AGBL1: variants seen among roughly 807,000 people sequenced by gnomAD.
AGBL1 encodes the protein cytosolic carboxypeptidase 4.
AGBL1 carries 130 observed loss-of-function variants against 118.9 expected under a neutral mutation model. That is an observed-to-expected ratio of 1.09 (90% CI 0.95 to 1.26). AGBL1 has a LOEUF of 1.26. Ranked by LOEUF, AGBL1 falls within the 50% of genes most tolerant of loss-of-function variation. AGBL1 has a pLI of 0.00. For missense variants in AGBL1, 1,584 were observed against 1,298.1 expected (o/e 1.22, Z -3.38); for synonymous variants, 555 against 478.9 (o/e 1.16, Z -2.08).
At chr15:86,370,100 C>T (rs1221481382) in intron 17 of AGBL1, among the ~76,000 whole-genome samples, 1 of 151,892 alleles carries the variant, frequency 6.6e-6, no homozygotes, top group African/African-American at 2.4e-5. Flanking sequence ...AAGAAATCAC[C>T]CTAGAATTTA....
At chr15:86,710,711 T>G (rs1216496343) in intron 22 of AGBL1, among the ~76,000 whole-genome samples, 1 of 152,156 alleles carries the variant, frequency 6.6e-6, no homozygotes. Flanking sequence ...TTATAAGTAA[T>G]AGTCAAGTGG....
chr15:86,929,638 T>G (rs2080582349), intron 23 of AGBL1, among the ~76,000 whole-genome samples: 1 of 152,216 alleles, frequency 6.6e-6, no homozygotes, highest in Non-Finnish European at 1.5e-5. Context: ...AGATACACAA[T>G]TCAACATCCA....
intron 17 of AGBL1, among the ~76,000 whole-genome samples, chr15:86,321,934 A>G (rs578134703): frequency 6.6e-6 from 1 of 151,990 alleles, no homozygotes; most frequent in Admixed American, 6.6e-5. Context: ...AAAATTTTCA[A>G]ATATGTGAAG....
At chr15:86,645,852 A>C (rs1363732729) in intron 21 of AGBL1, among the ~76,000 whole-genome samples, 1 of 152,200 alleles carries the variant, frequency 6.6e-6, no homozygotes, top group Non-Finnish European at 1.5e-5. Flanking sequence ...CGTTCCAAGC[A>C]GATAGAATTC....
At position 86,456,410 on chromosome 15, in the gene AGBL1, G is replaced by A. The variant is rs563636110; in HGVS notation, c.2555+58864G>A. Among the ~76,000 whole-genome samples the A allele has an allele frequency of 3.9e-5, 6 of 152,276 alleles. No individual in the cohort carries two copies. In the South Asian group the frequency reaches 1.2e-3, roughly 32 times the overall value. ...CAAATTTTGACTCTTCAATTCAATAGTTAAAGGGCTTATGGCCAGAAAGTC... is the reference window on the plus strand; with the variant it reads ...CAAATTTTGACTCTTCAATTCAATAATTAAAGGGCTTATGGCCAGAAAGTC... On this transcript the variant is annotated intron_variant, in intron 18 of 22. Transcript: ENST00000614907.
intron 5 of AGBL1, among the ~76,000 whole-genome samples, chr15:86,196,476 T>A (rs2077804283): frequency 6.6e-6 from 1 of 152,178 alleles, no homozygotes; most frequent in African/African-American, 2.4e-5. Flanking sequence ...CTCATGTATC[T>A]TTGGACAGAA....
At chr15:86,204,379 G>T (rs2077955212) in intron 5 of AGBL1, among the ~76,000 whole-genome samples, 1 of 152,120 alleles carries the variant, frequency 6.6e-6, no homozygotes, top group East Asian at 1.9e-4. Context: ...AGAAGATACT[G>T]GGATTTCCCA....
intron 20 of AGBL1, among the ~76,000 whole-genome samples, chr15:86,546,711 G>T (rs1243690430): frequency 3.9e-5 from 6 of 152,122 alleles, no homozygotes; most frequent in African/African-American, 1.4e-4. Flanking sequence ...TAGTTTTAGT[G>T]GTTAGAGCTC....
intron 19 of AGBL1, among the ~76,000 whole-genome samples, chr15:86,537,525 A>G (rs1021132282): frequency 6.6e-6 from 1 of 152,234 alleles, no homozygotes; most frequent in Non-Finnish European, 1.5e-5. Flanking sequence ...GTGCCTTCTC[A>G]GGGCATTAGG....
chr15:86,464,509 T>C (rs1345786870), intron 18 of AGBL1, among the ~76,000 whole-genome samples: 1 of 152,234 alleles, frequency 6.6e-6, no homozygotes, highest in Non-Finnish European at 1.5e-5. Flanking sequence ...GGCATCCTTG[T>C]CTTGTGCCAG....
At chr15:86,277,751 C>G (rs1439617389) in intron 15 of AGBL1, among the ~76,000 whole-genome samples, 1 of 152,222 alleles carries the variant, frequency 6.6e-6, no homozygotes, top group Admixed American at 6.5e-5. Flanking sequence ...GATACAGGCT[C>G]TGTCTCCACC....
intron 17 of AGBL1, among the ~76,000 whole-genome samples, chr15:86,325,711 G>A (rs2080173964): frequency 2.0e-5 from 3 of 152,238 alleles, no homozygotes; most frequent in African/African-American, 7.2e-5. Context: ...CCTTTCTCCA[G>A]TTCTTAGTAA....
intron 22 of AGBL1, among the ~76,000 whole-genome samples, chr15:86,826,888 G>A (rs2079018542): frequency 6.6e-6 from 1 of 152,030 alleles, no homozygotes; most frequent in Non-Finnish European, 1.5e-5. Context: ...TATCAGACAA[G>A]GAGAATATGC....
At chr15:86,110,270 C>T (rs1897288854) in intron 1 of AGBL1, among the ~76,000 whole-genome samples, 1 of 152,050 alleles carries the variant, frequency 6.6e-6, no homozygotes, top group Non-Finnish European at 1.5e-5. Context: ...TTTGGCTGCC[C>T]CAAACTTAAA....
chr15:86,540,624 G>T (rs1474522687), intron 19 of AGBL1, among the ~76,000 whole-genome samples: 3 of 152,054 alleles, frequency 2.0e-5, no homozygotes, highest in Non-Finnish European at 4.4e-5. Flanking sequence ...TGTAAATATT[G>T]TATTGGGAAC....
chr15:86,195,570 C>T (rs960897365), intron 5 of AGBL1, among the ~76,000 whole-genome samples: 1 of 152,142 alleles, frequency 6.6e-6, no homozygotes, highest in African/African-American at 2.4e-5. Context: ...TCTTAAAAGT[C>T]TGCAAATCAT....
chr15:86,918,503 A>C (rs554745330), downstream of AGBL1, among the ~76,000 whole-genome samples: 1 of 151,662 alleles, frequency 6.6e-6, no homozygotes. Flanking sequence ...ATGCCGCTGC[A>C]CTCCAGCCTG....
chr15:86,189,897 A>G (rs886609873), intron 5 of AGBL1, among the ~76,000 whole-genome samples: 15 of 152,222 alleles, frequency 9.9e-5, no homozygotes, highest in Non-Finnish European at 2.2e-4. Context: ...TGCTGGACTG[A>G]CACCAGGTAC....
chr15:86,651,617 G>A (rs193008341), intron 21 of AGBL1, among the ~76,000 whole-genome samples: 1 of 152,258 alleles, frequency 6.6e-6, no homozygotes, highest in African/African-American at 2.4e-5. Context: ...GAGCATTGAC[G>A]TTCGTCAGTA....
Sources: gnomAD v4.1 joint callset for allele counts (sites outside exome capture counted in the v4.1 genomes callset) on GRCh38, gnomAD v4.1.1 for gene constraint, MANE v1.5 for transcripts, NCBI Gene and HGNC (gene_info 2026-07-23, HGNC 2026-07-21) for gene names.